SLC8A3: variants seen among roughly 807,000 people sequenced by gnomAD.
SLC8A3 encodes the protein sodium/calcium exchanger 3.
A neutral mutation model predicts 65.4 loss-of-function variants in SLC8A3; 37 were observed. The observed-to-expected ratio is 0.57, with a 90% CI of 0.44 to 0.74. SLC8A3 has a LOEUF of 0.74. Ranked by LOEUF, SLC8A3 falls within the 30% of genes least tolerant of loss-of-function variation. The pLI, the probability that SLC8A3 is intolerant of heterozygous loss-of-function variation, is 0.00. For synonymous variants in SLC8A3, 461 were observed against 444.5 expected (o/e 1.04, Z -0.47); for missense variants, 1,112 against 1,172.1 (o/e 0.95, Z 0.75).
intron 2 of SLC8A3, among the ~76,000 whole-genome samples, chr14:70,076,831 C>T (rs1396165231): frequency 1.3e-5 from 2 of 152,150 alleles, no homozygotes; most frequent in African/African-American, 2.4e-5. Context: ...ATGACAGATG[C>T]CATGAAAATC....
At chr14:70,130,371 G>A (rs918656523) in intron 2 of SLC8A3, among the ~76,000 whole-genome samples, 2 of 152,176 alleles carry the variant, frequency 1.3e-5, no homozygotes, top group South Asian at 2.1e-4. Flanking sequence ...CAGATGCTGG[G>A]TTGCCCTGTG....
intron 2 of SLC8A3, among the ~76,000 whole-genome samples, chr14:70,097,382 T>C (rs1050774458): frequency 1.3e-5 from 2 of 151,938 alleles, no homozygotes; most frequent in Non-Finnish European, 2.9e-5. Context: ...TTACTATAAA[T>C]GGTTCTGTGT....
At chr14:70,137,691 A>G (rs937668648) in intron 2 of SLC8A3, among the ~76,000 whole-genome samples, 2 of 151,936 alleles carry the variant, frequency 1.3e-5, no homozygotes, top group East Asian at 3.9e-4. Context: ...CAGAAATTCC[A>G]TGCTTTCTCC....
chr14:70,138,570 A>G (rs551306714), intron 2 of SLC8A3, among the ~76,000 whole-genome samples: 18 of 152,316 alleles, frequency 1.2e-4, no homozygotes, highest in African/African-American at 4.3e-4. Context: ...TGCATCAACT[A>G]TAAGTTCCTG....
chr14:70,187,332 GGAGA>G lies in SLC8A3; in HGVS notation c.-63+1043_-63+1046del, dbSNP rs144672026. The G allele has an allele frequency of 4.4e-3, 672 of 154,252 alleles. 2 individuals carry two copies. The highest frequency in any genetic ancestry group is 7.5e-3 in the African/African-American group (292 of 38,764). The allele number at this position is 154,252 out of a possible 1,614,324, so 9.6% of individuals were successfully genotyped here. A position where few individuals can be genotyped will look rare whatever the true frequency, so the allele number is the denominator to read the frequency against. On this transcript the variant is annotated intron_variant, in intron 1 of 6. Transcript: ENST00000356921. ...AAGAGAAGAGAAGCGGGGGGCGGGG[GGAGA>G]GAGAGAGAGAGAGAGAAGGAAGCTG...
intron 1 of SLC8A3, among the ~76,000 whole-genome samples, chr14:70,180,863 A>T (rs186342152): frequency 6.6e-6 from 1 of 152,090 alleles, no homozygotes; most frequent in East Asian, 1.9e-4. Flanking sequence ...CCCTTGAGGC[A>T]CTCTAACCAG....
chr14:70,150,385 C>T lies in SLC8A3; in HGVS notation c.1784+16254G>A, dbSNP rs577682101. Among the ~76,000 whole-genome samples the T allele has an allele frequency of 3.7e-4, 57 of 152,308 alleles. No individual in the cohort carries two copies. In the South Asian group the frequency reaches 0.011, roughly 30 times the overall value. ...TAACAAGGCCACATATTTAATCATG[C>T]TGCTCTATTACCCCCTGTGTATATA... On this transcript the variant is annotated intron_variant, in intron 2 of 6. Transcript: ENST00000356921.
chr14:70,124,549 C>T lies in SLC8A3; in HGVS notation c.1784+42090G>A, dbSNP rs148354841. On this transcript the variant is annotated intron_variant, in intron 2 of 6. Transcript: ENST00000356921. Reference sequence around the variant, plus strand: ...CTACCTGCAATCACTTTGTCCTTTACGGTAACCAGGTTAATCTCATCTATA... The same window carrying T: ...CTACCTGCAATCACTTTGTCCTTTATGGTAACCAGGTTAATCTCATCTATA... Among the ~76,000 whole-genome samples, 496 of 152,346 alleles carry T rather than the reference C, an allele frequency of 3.3e-3. 2 individuals carry two copies. Among genetic ancestry groups the T allele is most frequent in the Middle Eastern group, 0.031 (9 of 294 alleles).
chr14:70,186,161 T>C (rs1049775300), intron 1 of SLC8A3, among the ~76,000 whole-genome samples: 1 of 151,754 alleles, frequency 6.6e-6, no homozygotes, highest in Non-Finnish European at 1.5e-5. Flanking sequence ...TCTGATGGCT[T>C]TGTAAGGGGC....
At chr14:70,109,975 G>T (rs1304393421) in intron 2 of SLC8A3, among the ~76,000 whole-genome samples, 1 of 151,758 alleles carries the variant, frequency 6.6e-6, no homozygotes, top group Non-Finnish European at 1.5e-5. Context: ...TTAACTGACT[G>T]GTTCTAGTTT....
intron 2 of SLC8A3, among the ~76,000 whole-genome samples, chr14:70,091,225 A>G (rs1257796740): frequency 6.6e-6 from 1 of 152,168 alleles, no homozygotes; most frequent in Non-Finnish European, 1.5e-5. Flanking sequence ...TCATTTTATT[A>G]TGGGATTTAA....
chr14:70,144,984 C>A (rs1168812565), intron 2 of SLC8A3, among the ~76,000 whole-genome samples: 1 of 152,150 alleles, frequency 6.6e-6, no homozygotes, highest in Non-Finnish European at 1.5e-5. Context: ...CTTCATATGA[C>A]AGCCCAGGCA....
At chr14:70,106,667 C>G (rs577769060) in intron 2 of SLC8A3, among the ~76,000 whole-genome samples, 1 of 152,088 alleles carries the variant, frequency 6.6e-6, no homozygotes, top group Non-Finnish European at 1.5e-5. Context: ...AAACTGGGAA[C>G]CTCATCATGG....
intron 1 of SLC8A3, among the ~76,000 whole-genome samples, chr14:70,179,863 G>A (rs1366489281): frequency 6.6e-6 from 1 of 152,102 alleles, no homozygotes; most frequent in African/African-American, 2.4e-5. Flanking sequence ...GAAGAAATTG[G>A]GGCTCATTTA....
At chr14:70,143,991 C>T (rs1397019290) in intron 2 of SLC8A3, among the ~76,000 whole-genome samples, 1 of 152,180 alleles carries the variant, frequency 6.6e-6, no homozygotes, top group East Asian at 1.9e-4. Flanking sequence ...AAACCGTGGC[C>T]ATGGCCTCGG....
At chr14:70,135,772 G>C (rs911162686) in intron 2 of SLC8A3, among the ~76,000 whole-genome samples, 4 of 152,108 alleles carry the variant, frequency 2.6e-5, no homozygotes, top group South Asian at 4.1e-4. Context: ...AGGACATAAA[G>C]AAAAGTTGGT....
chr14:70,186,520 A>T (rs1241944002), intron 1 of SLC8A3, among the ~76,000 whole-genome samples: 3 of 152,242 alleles, frequency 2.0e-5, no homozygotes, highest in Non-Finnish European at 4.4e-5. Context: ...AGGAAACTGC[A>T]TGAATGGCCT....
intron 1 of SLC8A3, among the ~76,000 whole-genome samples, chr14:70,174,358 C>T (rs1897735492): frequency 6.6e-6 from 1 of 152,124 alleles, no homozygotes; most frequent in Admixed American, 6.5e-5. Flanking sequence ...AGTCAGTGAC[C>T]CTCTTAGGGC....
At chr14:70,136,848 G>A (rs918616600) in intron 2 of SLC8A3, among the ~76,000 whole-genome samples, 1 of 152,250 alleles carries the variant, frequency 6.6e-6, no homozygotes, top group African/African-American at 2.4e-5. Context: ...GGTCTGGGAA[G>A]AGTTGGTTGA....
Sources: gnomAD v4.1 joint callset for allele counts (sites outside exome capture counted in the v4.1 genomes callset) on GRCh38, gnomAD v4.1.1 for gene constraint, MANE v1.5 for transcripts, NCBI Gene and HGNC (gene_info 2026-07-23, HGNC 2026-07-21) for gene names.